The following KIAA0586 variants were observed in gnomAD, a reference collection of about 807,000 sequenced individuals.
The protein encoded by KIAA0586 is protein TALPID3.
A neutral mutation model predicts 169.8 loss-of-function variants in KIAA0586; 144 were observed. The ratio of observed to expected loss-of-function variants is 0.85; its 90% CI spans 0.74 to 0.97. The LOEUF (loss-of-function observed/expected upper bound fraction) is 0.97. Ranked by LOEUF, KIAA0586 falls within the 50% of genes least tolerant of loss-of-function variation. KIAA0586 has a pLI of 0.00. For synonymous variants in KIAA0586, 625 were observed against 612.4 expected (o/e 1.02, Z -0.30); for missense variants, 1,854 against 1,823.0 (o/e 1.02, Z -0.31).
intron 30 of KIAA0586, among the ~76,000 whole-genome samples, chr14:58,543,661 C>G (rs1443345606): frequency 6.6e-6 from 1 of 152,158 alleles, no homozygotes; most frequent in Non-Finnish European, 1.5e-5. Context: ...TGTTGGTGTT[C>G]TTATTACTGC....
At chr14:58,465,440 A>G (rs2040677335) in intron 14 of KIAA0586, among the ~76,000 whole-genome samples, 1 of 152,130 alleles carries the variant, frequency 6.6e-6, no homozygotes, top group Admixed American at 6.6e-5. Context: ...ATTTTTTTCT[A>G]GTTATTATAT....
intron 29 of KIAA0586, among the ~76,000 whole-genome samples, chr14:58,536,429 T>C (rs1340987353): frequency 2.6e-5 from 4 of 152,188 alleles, no homozygotes; most frequent in African/African-American, 9.7e-5. Flanking sequence ...TTAGTTCACT[T>C]AGGTTAGTGG....
chr14:58,555,951 A>T (rs192645393), downstream of KIAA0586, among the ~76,000 whole-genome samples: 8 of 152,330 alleles, frequency 5.3e-5, no homozygotes, highest in Admixed American at 5.2e-4. Flanking sequence ...AGGCATTGTC[A>T]TTGGTTTTCA....
intron 4 of KIAA0586, 125 bp from the exon 5 acceptor site, chr14:58,442,581 G>A: frequency 1.5e-6 from 1 of 661,998 alleles, no homozygotes; most frequent in Non-Finnish European, 2.5e-6. Context: ...AAATGACCTT[G>A]TTTGATAGGT....
intron 29 of KIAA0586, among the ~76,000 whole-genome samples, chr14:58,537,915 G>A (rs1411711956): frequency 1.3e-5 from 2 of 152,052 alleles, no homozygotes; most frequent in East Asian, 1.9e-4. Context: ...CCAAAGTGCT[G>A]GGATTACAGG....
chr14:58,514,845 A>G (rs1466938416), intron 29 of KIAA0586, among the ~76,000 whole-genome samples: 1 of 152,068 alleles, frequency 6.6e-6, no homozygotes, highest in East Asian at 1.9e-4. Context: ...TTAAAAAAGT[A>G]TTTGAATGGT....
intron 6 of KIAA0586, among the ~76,000 whole-genome samples, chr14:58,447,775 C>T (rs536570215): frequency 1.6e-4 from 25 of 152,230 alleles, no homozygotes; most frequent in African/African-American, 4.8e-4. Flanking sequence ...GCCACTGCAC[C>T]GGGCCCCATT....
chr14:58,522,680 A>G (rs1041829900), intron 29 of KIAA0586, among the ~76,000 whole-genome samples: 1 of 152,238 alleles, frequency 6.6e-6, no homozygotes, highest in Non-Finnish European at 1.5e-5. Flanking sequence ...GTAGTTGAGA[A>G]GAATAATTTC....
At chr14:58,558,342 T>C in the KIAA0586 span, among the ~76,000 whole-genome samples, 1 of 152,216 alleles carries the variant, frequency 6.6e-6, no homozygotes, top group Non-Finnish European at 1.5e-5. Context: ...ATTTTGTAGA[T>C]CTTTTGAAAT....
chr14:58,488,809 C>G lies in KIAA0586; in HGVS notation c.3716C>G (p.Thr1239Ser). 1 of 1,613,852 alleles carries G rather than the reference C, an allele frequency of 6.2e-7. No homozygotes were observed. Among genetic ancestry groups the G allele is most frequent in the Non-Finnish European group, 8.5e-7 (1 of 1,179,812 alleles). Residue 1239 changes from threonine to serine, a missense_variant, in exon 24 of 31, where the codon ACT (threonine) becomes AGT (serine). Transcript: ENST00000652326. ...TLSVTVTETE[T>S]LDKPISEGEI... is the part of the protein sequence containing the mutation. ...AGTGTTACTGTCACTGAAACTGAAACTTTAGATAAACCCATCTCTGAAGGA... is the reference window on the plus strand; with the variant it reads ...AGTGTTACTGTCACTGAAACTGAAAGTTTAGATAAACCCATCTCTGAAGGA...
downstream of KIAA0586, among the ~76,000 whole-genome samples, chr14:58,552,844 G>C (rs2047223313): frequency 6.6e-6 from 1 of 152,160 alleles, no homozygotes; most frequent in African/African-American, 2.4e-5. Flanking sequence ...AGTTGAAAGT[G>C]TATGTCTTTT....
At chr14:58,470,567 G>C in intron 16 of KIAA0586, 46 bp from the exon 17 acceptor site, 5 of 1,141,342 alleles carry the variant, frequency 4.4e-6, no homozygotes, top group Non-Finnish European at 6.6e-6. Flanking sequence ...AAAAATATTT[G>C]AGTAAAAATG....
Position 58,427,788 on chromosome 14 carries a change from T to C in KIAA0586, c.-477T>C, listed in dbSNP as rs2036953422. ...CTGGAGATACGTAGGGGTGAATTTA[T>C]GTTTCCGACGATTGCATCTGGAGGG... On this transcript the variant is annotated 5_prime_UTR_variant, in exon 1 of 31. The change abolishes an upstream ATG in the 5' untranslated region. Coordinates refer to ENST00000652326, the MANE Select transcript of KIAA0586 (RefSeq NM_001329943.3). 4.0e-6 allele frequency: 6 copies of C among 1,515,534 alleles called. No individual in the cohort carries two copies. Among genetic ancestry groups the C allele is most frequent in the Non-Finnish European group, 2.6e-6 (3 of 1,136,650 alleles). The allele number at this position is 1,515,534 out of a possible 1,614,324, so 93.9% of individuals were successfully genotyped here. A position where few individuals can be genotyped will look rare whatever the true frequency, so the allele number is the denominator to read the frequency against.
At chr14:58,543,925 T>G (rs2046822278) in intron 30 of KIAA0586, 1 of 455,926 alleles carries the variant, frequency 2.2e-6, no homozygotes, top group Non-Finnish European at 4.4e-6. Flanking sequence ...ATAGGTAAAC[T>G]CGGGCTGTGG....
intron 29 of KIAA0586, among the ~76,000 whole-genome samples, chr14:58,526,117 G>T (rs1215045144): frequency 2.0e-5 from 3 of 152,218 alleles, no homozygotes; most frequent in African/African-American, 7.2e-5. Context: ...GTGGGAAGGG[G>T]CGGCTGTGGG....
At chr14:58,503,912 G>C (rs543734312) in intron 27 of KIAA0586, among the ~76,000 whole-genome samples, 7 of 152,102 alleles carry the variant, frequency 4.6e-5, no homozygotes, top group Admixed American at 2.0e-4. Flanking sequence ...GCAGAAACCA[G>C]GTCATGAAAA....
In KIAA0586 at chr14:58,438,386, T is replaced by C. The variant is rs1489544134; in HGVS notation, c.411-4320T>C. ...AGACTTCAGGCAGAAACCTTAAAAA[T>C]AAGGAATTCCTGAATTATATTTTCA... On this transcript the variant is annotated intron_variant, in intron 4 of 30. Transcript: ENST00000652326. 2.6e-5 allele frequency among the ~76,000 whole-genome samples: 4 copies of C among 152,100 alleles called. 1 individual carries two copies. The highest frequency in any genetic ancestry group is 2.0e-4 in the Admixed American group (3 of 15,242).
intron 29 of KIAA0586, among the ~76,000 whole-genome samples, chr14:58,520,126 G>T (rs560465713): frequency 6.6e-6 from 1 of 152,190 alleles, no homozygotes; most frequent in Admixed American, 6.5e-5. Context: ...TAGTTCATGG[G>T]GAATCTTTTT....
rs1209794568 is a variant in KIAA0586, at chr14:58,450,005, A to T, written c.962-574A>T. Among the ~76,000 whole-genome samples, 3 of 152,192 alleles carry T rather than the reference A, an allele frequency of 2.0e-5. No homozygotes were observed. In the East Asian group the frequency reaches 5.8e-4, roughly 29 times the overall value. On this transcript the variant is annotated intron_variant, in intron 7 of 30. Coordinates refer to ENST00000652326, the MANE Select transcript of KIAA0586 (RefSeq NM_001329943.3). The stretch of plus-strand genomic sequence containing the variant: ...ACAACTTTTTTACTAGCACATAAAA[A>T]GATTTGCCATATTTTATATAGTTGT...
Sources: gnomAD v4.1 joint callset for allele counts (sites outside exome capture counted in the v4.1 genomes callset) on GRCh38, gnomAD v4.1.1 for gene constraint, MANE v1.5 for transcripts, NCBI Gene and HGNC (gene_info 2026-07-23, HGNC 2026-07-21) for gene names.